The following DNER variants were observed in gnomAD, a reference collection of about 807,000 sequenced individuals.
DNER encodes the protein delta/notch like EGF repeat containing, also known as delta and Notch-like epidermal growth factor-related receptor.
A neutral mutation model predicts 78.2 loss-of-function variants in DNER; 33 were observed. That is an observed-to-expected ratio of 0.42 (90% confidence interval 0.32 to 0.56). The LOEUF is 0.56. Ranked by LOEUF, DNER falls within the 20% of genes least tolerant of loss-of-function variation. The pLI is 0.11. For synonymous variants in DNER, 417 were observed against 384.8 expected, an observed-to-expected ratio of 1.08 and a Z score of -0.98; for missense variants, 918 against 975.3, an observed-to-expected ratio of 0.94 and a Z score of 0.78.
chr2:229,546,942 C>T lies in DNER; in HGVS notation c.993+5G>A. On this transcript the variant is annotated splice_donor_5th_base_variant and intron_variant, in intron 5 of 12. Coordinates refer to ENST00000341772, the MANE Select transcript of DNER (RefSeq NM_139072.4). ...GTATTTACAAGCTACCAGGCATCCC[C>T]TTACCTCTGACGGCTTCGTGGTGCA... The T allele has an allele frequency of 1.2e-6, 2 of 1,614,128 alleles. No homozygotes were observed. Among genetic ancestry groups the T allele is most frequent in the Non-Finnish European group, 8.5e-7 (1 of 1,179,998 alleles).
At chr2:229,661,029 C>T (rs992483968) in intron 1 of DNER, among the ~76,000 whole-genome samples, 1 of 152,134 alleles carries the variant, frequency 6.6e-6, no homozygotes, top group East Asian at 1.9e-4. Flanking sequence ...TTTCTTCATG[C>T]CCCAACCTCT....
intron 4 of DNER, among the ~76,000 whole-genome samples, chr2:229,582,314 A>G (rs1162308969): frequency 1.3e-5 from 2 of 152,216 alleles, no homozygotes; most frequent in Non-Finnish European, 2.9e-5. Context: ...TGAAGGATGA[A>G]AAGATTTTGT....
chr2:229,525,045 C>T (rs186854663), intron 5 of DNER, among the ~76,000 whole-genome samples: 59 of 152,340 alleles, frequency 3.9e-4, no homozygotes, highest in Non-Finnish European at 7.3e-4. Context: ...ATCTCCCTTC[C>T]TCCATCCTTG....
intron 8 of DNER, among the ~76,000 whole-genome samples, chr2:229,433,856 C>T (rs1694067706): frequency 6.6e-6 from 1 of 151,972 alleles, no homozygotes; most frequent in African/African-American, 2.4e-5. Context: ...TTTTTGCATT[C>T]CTAATTATCT....
chr2:229,393,750 G>A lies in DNER; in HGVS notation c.1724-5354C>T, dbSNP rs1363336291. ...TAGTCCCAGCTACTTAGGAGGCTGAGGCAGGAGAATGGCGTGAACCTGGGA... is the reference window on the plus strand; with the variant it reads ...TAGTCCCAGCTACTTAGGAGGCTGAAGCAGGAGAATGGCGTGAACCTGGGA... On this transcript the variant is annotated intron_variant, in intron 10 of 12. Transcript: ENST00000341772. 3.3e-5 allele frequency among the ~76,000 whole-genome samples: 5 copies of A among 152,202 alleles called. No individual in the cohort carries two copies. The East Asian group carries it at 9.7e-4, about 30-fold the overall frequency.
chr2:229,391,111 CA>C (rs1693006397), intron 10 of DNER, among the ~76,000 whole-genome samples: 1 of 152,190 alleles, frequency 6.6e-6, no homozygotes, highest in Non-Finnish European at 1.5e-5. Context: ...CTCTGCCTTA[CA>C]GTGATCATGC....
chr2:229,667,613 C>CAGGGG (rs1477401223), intron 1 of DNER, among the ~76,000 whole-genome samples: 1 of 152,108 alleles, frequency 6.6e-6, no homozygotes, highest in Non-Finnish European at 1.5e-5. Context: ...TATCCCATAG[C>CAGGGG]ATTTGCCCCA....
At chr2:229,360,717 A>T (rs1354962571) in intron 12 of DNER, among the ~76,000 whole-genome samples, 2 of 152,200 alleles carry the variant, frequency 1.3e-5, no homozygotes, top group East Asian at 3.9e-4. Context: ...ACTGAGTATG[A>T]CAAGGCAAGG....
At chr2:229,496,441 G>A (rs1299549941) in intron 6 of DNER, among the ~76,000 whole-genome samples, 1 of 152,118 alleles carries the variant, frequency 6.6e-6, no homozygotes, top group African/African-American at 2.4e-5. Flanking sequence ...AAAGAGAGTA[G>A]TAAGTCCTCA....
intron 1 of DNER, among the ~76,000 whole-genome samples, chr2:229,703,955 A>G (rs1004033407): frequency 6.6e-6 from 1 of 152,076 alleles, no homozygotes; most frequent in Non-Finnish European, 1.5e-5. Flanking sequence ...AGGAGAAGCC[A>G]CAGATTGGGA....
At chr2:229,526,426 A>C (rs1033156788) in intron 5 of DNER, among the ~76,000 whole-genome samples, 1 of 152,208 alleles carries the variant, frequency 6.6e-6, no homozygotes, top group Non-Finnish European at 1.5e-5. Context: ...TATACAGAGG[A>C]AATGAAACCC....
At chr2:229,566,983 C>T (rs1450622710) in intron 4 of DNER, among the ~76,000 whole-genome samples, 1 of 152,156 alleles carries the variant, frequency 6.6e-6, no homozygotes, top group African/African-American at 2.4e-5. Flanking sequence ...ACCCAAGCTA[C>T]CTCTTCACCA....
At chr2:229,594,946 G>T (rs1036436912) in intron 1 of DNER, among the ~76,000 whole-genome samples, 1 of 117,208 alleles carries the variant, frequency 8.5e-6, no homozygotes, top group African/African-American at 3.2e-5. Context: ...GGTATAAAAT[G>T]CTGTTTAAAA....
At chr2:229,629,055 T>G (rs920707193) in intron 1 of DNER, among the ~76,000 whole-genome samples, 2 of 152,234 alleles carry the variant, frequency 1.3e-5, no homozygotes, top group Non-Finnish European at 2.9e-5. Flanking sequence ...AATGGGACAG[T>G]GTTTTGCCTG....
At chr2:229,678,442 T>TAA (rs34980726) in intron 1 of DNER, among the ~76,000 whole-genome samples, 2 of 151,998 alleles carry the variant, frequency 1.3e-5, no homozygotes, top group East Asian at 1.9e-4. Context: ...TTCTTCCCCA[T>TAA]AAAAAATATT....
chr2:229,507,001 T>G (rs1695758770), intron 6 of DNER, among the ~76,000 whole-genome samples: 1 of 152,322 alleles, frequency 6.6e-6, no homozygotes, highest in East Asian at 1.9e-4. Flanking sequence ...ACACCTAGGC[T>G]ATACAGGATA....
chr2:229,678,141 T>G (rs1191319276), intron 1 of DNER, among the ~76,000 whole-genome samples: 1 of 152,238 alleles, frequency 6.6e-6, no homozygotes, highest in East Asian at 1.9e-4. Flanking sequence ...AAACCATGCA[T>G]GGCAGCAAGC....
intron 1 of DNER, among the ~76,000 whole-genome samples, chr2:229,596,398 C>A (rs904914336): frequency 6.6e-6 from 1 of 152,220 alleles, no homozygotes; most frequent in Non-Finnish European, 1.5e-5. Context: ...AAAGCTCTGT[C>A]GACCTGAGAG....
intron 10 of DNER, among the ~76,000 whole-genome samples, chr2:229,399,088 A>C (rs966789812): frequency 2.0e-5 from 3 of 151,886 alleles, no homozygotes; most frequent in African/African-American, 7.2e-5. Flanking sequence ...AAAAAATAAA[A>C]TTTATACCTA....
Sources: allele counts gnomAD v4.1 joint callset (sites outside exome capture counted in the v4.1 genomes callset), GRCh38; gene constraint gnomAD v4.1.1; transcripts MANE v1.5; gene names NCBI Gene and HGNC (gene_info 2026-07-23, HGNC 2026-07-21).